QRICH1: variants seen among roughly 807,000 people sequenced by gnomAD.
QRICH1 encodes transcriptional regulator QRICH1.
Under a neutral mutation model 87.1 loss-of-function variants are expected in QRICH1, and 16 were observed. The observed-to-expected ratio is 0.18, with a 90% CI of 0.12 to 0.28. QRICH1 has a LOEUF of 0.28. QRICH1 is among the 10% of genes least tolerant of loss of function. The pLI is 1.00. For missense variants in QRICH1, 647 were observed against 951.7 expected, an observed-to-expected ratio of 0.68 and a Z score of 4.21; for synonymous variants, 367 against 368.4, an observed-to-expected ratio of 1.00 and a Z score of 0.05.
intron 2 of QRICH1, among the ~76,000 whole-genome samples, chr3:49,073,170 A>G (rs1171980125): frequency 6.6e-6 from 1 of 152,198 alleles, no homozygotes; most frequent in African/African-American, 2.4e-5. Context: ...CTTCCAGAAT[A>G]CAATGAAATT....
chr3:49,060,724 C>T (rs2093429845), intron 2 of QRICH1, among the ~76,000 whole-genome samples: 2 of 152,212 alleles, frequency 1.3e-5, no homozygotes, highest in African/African-American at 4.8e-5. Context: ...GTGAGCATTA[C>T]CACCTGAGCT....
chr3:49,039,771 A>C (rs576890444), intron 6 of QRICH1, among the ~76,000 whole-genome samples: 39 of 150,824 alleles, frequency 2.6e-4, no homozygotes, highest in Admixed American at 1.5e-3. Context: ...GGAATTAAAC[A>C]GCAACAGGCC....
intron 2 of QRICH1, among the ~76,000 whole-genome samples, chr3:49,073,223 G>C (rs1258523658): frequency 1.3e-5 from 2 of 152,112 alleles, no homozygotes; most frequent in Admixed American, 6.6e-5. Flanking sequence ...TTTGCAACTA[G>C]AGGAGCCTGT....
At position 49,047,178 on chromosome 3, in the gene QRICH1, A is replaced by C. The variant is rs1267369249; in HGVS notation, c.1407T>G (p.Leu469=). The C allele has an allele frequency of 1.9e-6, 3 of 1,614,162 alleles. No homozygotes were observed. The highest frequency in any genetic ancestry group is 2.5e-6 in the Non-Finnish European group (3 of 1,180,040). ...SQPQPSPELL[L]PNSLKPEEGL... ...CTTCTTCTGGCTTCAAAGAATTTGG[A>C]AGCAGAAGTTCTGGGGAAGGCTGTG... is the stretch of plus-strand genomic sequence containing the variant. The change falls in exon 4 of 10, where the codon CTT becomes CTG. Residue 469 remains leucine (L), a synonymous_variant. Coordinates refer to ENST00000395443, the MANE Select transcript of QRICH1 (RefSeq NM_198880.3).
intron 5 of QRICH1, among the ~76,000 whole-genome samples, chr3:49,045,326 CAAAAAAAA>C (rs150401256): frequency 4.9e-5 from 5 of 101,834 alleles, no homozygotes; most frequent in Admixed American, 1.0e-4. Flanking sequence ...TTGTGAATTA[CAAAAAAAA>C]AAAAAAAAAA....
At chr3:49,031,270 G>A (rs1436563649) in intron 9 of QRICH1, among the ~76,000 whole-genome samples, 3 of 152,152 alleles carry the variant, frequency 2.0e-5, no homozygotes, top group African/African-American at 7.2e-5. Flanking sequence ...TTACAGGCGT[G>A]AGCCACGGTG....
intron 2 of QRICH1, among the ~76,000 whole-genome samples, chr3:49,059,244 C>T (rs772939923): frequency 2.6e-5 from 4 of 151,768 alleles, no homozygotes; most frequent in African/African-American, 4.8e-5. Flanking sequence ...GGATTACAGG[C>T]GTGAGCCATC....
chr3:49,066,197 A>G (rs989907088), intron 2 of QRICH1, among the ~76,000 whole-genome samples: 1 of 152,074 alleles, frequency 6.6e-6, no homozygotes, highest in Non-Finnish European at 1.5e-5. Context: ...CTGAGGTGGG[A>G]GAACTACTTG....
chr3:49,080,966 CAAAAAAAAAAAAAAA>C (rs34230924), intron 1 of QRICH1, among the ~76,000 whole-genome samples: 10 of 24,802 alleles, frequency 4.0e-4, no homozygotes, highest in African/African-American at 1.9e-3. Flanking sequence ...AACTCCATCT[CAAAAAAAAAAAAAAA>C]AAAAAAAAAA....
intron 6 of QRICH1, among the ~76,000 whole-genome samples, chr3:49,041,356 TG>T (rs2093308749): frequency 6.6e-6 from 1 of 152,028 alleles, no homozygotes; most frequent in African/African-American, 2.4e-5. Context: ...TGTGTGTGTG[TG>T]TGTGTTTTAT....
Position 49,029,891 on chromosome 3 carries a change from T to G in QRICH1, c.*561A>C. On this transcript the variant is annotated 3_prime_UTR_variant, in exon 10 of 10. Coordinates refer to ENST00000395443, the MANE Select transcript of QRICH1 (RefSeq NM_198880.3). Reference sequence around the variant, plus strand: ...AAAAAAAAAGGCATGGTAAAGTTTTTACTTTTACATCTAAAATGTCACTTG... The same window carrying G: ...AAAAAAAAAGGCATGGTAAAGTTTTGACTTTTACATCTAAAATGTCACTTG... 5.9e-6 allele frequency: 1 copy of G among 170,034 alleles called. No homozygotes were observed. The highest frequency in any genetic ancestry group is 1.3e-5 in the Non-Finnish European group (1 of 77,994). 10.5% of individuals were successfully genotyped at this position (170,034 alleles called of 1,614,324 possible).
At chr3:49,058,824 C>T (rs2093417868) in intron 2 of QRICH1, among the ~76,000 whole-genome samples, 1 of 152,132 alleles carries the variant, frequency 6.6e-6, no homozygotes, top group Non-Finnish European at 1.5e-5. Flanking sequence ...GACAGGATTT[C>T]TCCATGTTGG....
chr3:49,072,645 C>G (rs1223156326), intron 2 of QRICH1, among the ~76,000 whole-genome samples: 2 of 152,158 alleles, frequency 1.3e-5, no homozygotes, highest in African/African-American at 4.8e-5. Flanking sequence ...TTAATAAGCT[C>G]ATGCCAACAA....
intron 3 of QRICH1, among the ~76,000 whole-genome samples, chr3:49,055,806 T>C (rs1166759408): frequency 1.3e-5 from 2 of 151,280 alleles, no homozygotes; most frequent in East Asian, 3.9e-4. Flanking sequence ...CTGAGTAGGA[T>C]TACCTGGGAT....
chr3:49,075,555 CAA>C (rs1191173973), intron 2 of QRICH1, among the ~76,000 whole-genome samples: 1 of 152,066 alleles, frequency 6.6e-6, no homozygotes, highest in African/African-American at 2.4e-5. Context: ...CGCTTGAACC[CAA>C]GAGGTGCAGG....
At chr3:49,091,176 T>C (rs1439717612) in intron 1 of QRICH1, among the ~76,000 whole-genome samples, 2 of 152,070 alleles carry the variant, frequency 1.3e-5, no homozygotes, top group South Asian at 2.1e-4. Flanking sequence ...TGAGCCAAGA[T>C]TGCACCACAG....
At chr3:49,047,468 C>T (rs2093345131) in intron 3 of QRICH1, among the ~76,000 whole-genome samples, 1 of 150,630 alleles carries the variant, frequency 6.6e-6, no homozygotes, top group Non-Finnish European at 1.5e-5. Flanking sequence ...GCCTTGGCTG[C>T]ACTTTTAAAT....
chr3:49,087,243 G>A (rs1469968755), intron 1 of QRICH1, among the ~76,000 whole-genome samples: 2 of 147,568 alleles, frequency 1.4e-5, no homozygotes, highest in Non-Finnish European at 3.0e-5. Context: ...GGCAACAAGA[G>A]CAAAACTCTG....
intron 6 of QRICH1, among the ~76,000 whole-genome samples, chr3:49,036,668 C>T (rs2093276668): frequency 6.8e-6 from 1 of 147,870 alleles, no homozygotes; most frequent in Admixed American, 7.0e-5. Flanking sequence ...TTTGTGAAAA[C>T]TGGCTAAGCA....
Sources: allele counts gnomAD v4.1 joint callset (sites outside exome capture counted in the v4.1 genomes callset), GRCh38; gene constraint gnomAD v4.1.1; transcripts MANE v1.5; gene names NCBI Gene and HGNC (gene_info 2026-07-23, HGNC 2026-07-21).